The following DHRS3 variants were observed in gnomAD, a reference collection of about 807,000 sequenced individuals.
DHRS3 encodes dehydrogenase/reductase 3.
In DHRS3, 14 loss-of-function variants were observed where a neutral mutation model predicts 27.2. The observed-to-expected ratio is 0.52, with a 90% confidence interval of 0.34 to 0.81. The LOEUF (loss-of-function observed/expected upper bound fraction) is 0.81. DHRS3 is among the 30% of genes least tolerant of loss of function. DHRS3 has a pLI of 0.01. For synonymous variants in DHRS3, 165 were observed against 175.9 expected (o/e 0.94, Z 0.49); for missense variants, 322 against 406.2 (o/e 0.79, Z 1.78).
Position 12,593,496 on chromosome 1 carries a change from A to T in DHRS3, c.196-12830T>A, listed in dbSNP as rs142227828. 6.6e-6 allele frequency among the ~76,000 whole-genome samples: 1 copy of T among 152,096 alleles called. No homozygotes were observed. Among genetic ancestry groups the T allele is most frequent in the Non-Finnish European group, 1.5e-5 (1 of 67,972 alleles). On this transcript the variant is annotated intron_variant, in intron 1 of 5. Coordinates refer to ENST00000616661, the MANE Select transcript of DHRS3 (RefSeq NM_004753.7). This position sits in a 1 kb window ranked among gnomAD's most constrained non-coding sequence, Gnocchi z 4.6. ...TGGGATTACAGGAGTGAGGTACCAC[A>T]CCTGGCCACCTTCTCACAGGTTCTG...
At chr1:12,585,511 T>C (rs1646689969) in intron 1 of DHRS3, among the ~76,000 whole-genome samples, 1 of 152,194 alleles carries the variant, frequency 6.6e-6, no homozygotes, top group Admixed American at 6.5e-5. Flanking sequence ...TAGGAACCGG[T>C]AGCGTCTCTG....
At position 12,580,347 on chromosome 1, in the gene DHRS3, C is replaced by A. The variant is rs114071544; in HGVS notation, c.339+176G>T. On this transcript the variant is annotated intron_variant, in intron 2 of 5. Coordinates refer to ENST00000616661, the MANE Select transcript of DHRS3 (RefSeq NM_004753.7). ...GATTACGCCTGTTACGTAATCAACCCTAATCCCTGCCTATGTAACTGGGGC... is the reference window on the plus strand; with the variant it reads ...GATTACGCCTGTTACGTAATCAACCATAATCCCTGCCTATGTAACTGGGGC... The A allele has an allele frequency of 2.8e-3, 2,131 of 772,062 alleles. 34 individuals carry two copies. In the African/African-American group the frequency reaches 0.033, roughly 12 times the overall value. 47.8% of individuals were successfully genotyped at this position (772,062 alleles called of 1,614,324 possible).
chr1:12,578,596 G>T lies in DHRS3; in HGVS notation c.698+122C>A. ...GGCTTCCCAAAATGCTAGGATTATA[G>T]GTATGAGGCACCGTGCCTAGCCCGA... On this transcript the variant is annotated intron_variant, in intron 4 of 5. Transcript: ENST00000616661. This position sits in a 1 kb window ranked among gnomAD's most constrained non-coding sequence, Gnocchi z 4.5. The T allele has an allele frequency of 1.0e-6, 1 of 968,032 alleles. No individual in the cohort carries two copies. Among genetic ancestry groups the T allele is most frequent in the African/African-American group, 1.6e-5 (1 of 61,906 alleles). 60.0% of individuals were successfully genotyped at this position (968,032 alleles called of 1,614,324 possible). A position where few individuals can be genotyped will look rare whatever the true frequency, so the allele number is the denominator to read the frequency against.
chr1:12,604,225 A>C (rs1646854728), intron 1 of DHRS3, among the ~76,000 whole-genome samples: 1 of 152,118 alleles, frequency 6.6e-6, no homozygotes, highest in South Asian at 2.1e-4. Context: ...CAGTGATCAA[A>C]GCTCTCAGGC....
At chr1:12,568,465 G>C in intron 5 of DHRS3, 41 bp from the exon 6 acceptor site, 1 of 1,598,326 alleles carries the variant, frequency 6.3e-7, no homozygotes, top group Non-Finnish European at 8.6e-7. Context: ...ATGGTTAGTG[G>C]GGCAGGATCC....
intron 1 of DHRS3, among the ~76,000 whole-genome samples, chr1:12,606,073 G>C (rs1414773344): frequency 6.7e-6 from 1 of 150,120 alleles, no homozygotes; most frequent in African/African-American, 2.5e-5. Flanking sequence ...AGGAGGCGGA[G>C]GTTGCAGTGA....
intron 4 of DHRS3, among the ~76,000 whole-genome samples, chr1:12,577,999 C>T (rs1300492598): frequency 2.6e-5 from 4 of 152,202 alleles, no homozygotes; most frequent in African/African-American, 7.2e-5. Context: ...CCAGGTTACA[C>T]CCCCAGCCCT....
intron 1 of DHRS3, among the ~76,000 whole-genome samples, chr1:12,585,939 C>T (rs1646693744): frequency 6.6e-6 from 1 of 152,198 alleles, no homozygotes; most frequent in African/African-American, 2.4e-5. Flanking sequence ...AGGCCAGAGG[C>T]CTGGAATTTA....
At chr1:12,596,674 T>G (rs1204138341) in intron 1 of DHRS3, among the ~76,000 whole-genome samples, 1 of 152,204 alleles carries the variant, frequency 6.6e-6, no homozygotes, top group East Asian at 1.9e-4. Context: ...GGAGTTGATT[T>G]GCTGTGTGAC....
chr1:12,575,521 T>C (rs1257606709), intron 4 of DHRS3, among the ~76,000 whole-genome samples: 2 of 152,138 alleles, frequency 1.3e-5, no homozygotes, highest in African/African-American at 2.4e-5. Context: ...TTTATTCTTT[T>C]AGGAAATGGG....
intron 4 of DHRS3, among the ~76,000 whole-genome samples, chr1:12,576,198 G>A (rs2100651666): frequency 6.6e-6 from 1 of 152,236 alleles, no homozygotes; most frequent in South Asian, 2.1e-4. Context: ...ATGCTAGAAG[G>A]TGAAATAGAC....
Position 12,592,166 on chromosome 1 carries a change from G to C in DHRS3, c.196-11500C>G, listed in dbSNP as rs751097842. ...TCACCGCCACCACAGTGAACAATCT[G>C]TGGACCTTTACTGCAGGCTGGATCC... On this transcript the variant is annotated intron_variant, in intron 1 of 5. Coordinates refer to ENST00000616661, the MANE Select transcript of DHRS3 (RefSeq NM_004753.7). This position sits in a 1 kb window ranked among gnomAD's most constrained non-coding sequence, Gnocchi z 4.2. Among the ~76,000 whole-genome samples the C allele has an allele frequency of 1.1e-4, 16 of 152,210 alleles. No individual in the cohort carries two copies. Among genetic ancestry groups the C allele is most frequent in the Non-Finnish European group, 2.4e-4 (16 of 68,038 alleles).
In DHRS3 at chr1:12,580,425, A is replaced by G. The variant is rs533024322; in HGVS notation, c.339+98T>C. The G allele has an allele frequency of 1.9e-6, 3 of 1,565,846 alleles. No homozygotes were observed. The East Asian group carries it at 6.8e-5, about 35-fold the overall frequency. ...GCCCCGGGCAAAGCCATTCTGCCAT[A>G]AGCAGAGCTCTCTTCCAGGCCACAT... On this transcript the variant is annotated intron_variant, in intron 2 of 5. Transcript: ENST00000616661.
intron 1 of DHRS3, among the ~76,000 whole-genome samples, chr1:12,581,080 G>A (rs115336005): frequency 0.027 from 4,056 of 152,068 alleles, 83 homozygotes; most frequent in South Asian, 0.049. Flanking sequence ...CTCCCACCTC[G>A]GCCTCTCAAG....
chr1:12,603,561 T>G (rs1646849840), intron 1 of DHRS3, among the ~76,000 whole-genome samples: 1 of 152,022 alleles, frequency 6.6e-6, no homozygotes, highest in Non-Finnish European at 1.5e-5. Flanking sequence ...GAACCCAGTT[T>G]GAAAACCTGG....
intron 1 of DHRS3, among the ~76,000 whole-genome samples, chr1:12,601,202 C>T (rs1646833813): frequency 6.6e-6 from 1 of 152,094 alleles, no homozygotes; most frequent in African/African-American, 2.4e-5. Context: ...AGCCGACCTC[C>T]CGACTCCCAA....
At chr1:12,598,391 CA>C (rs56007006) in intron 1 of DHRS3, among the ~76,000 whole-genome samples, 4,925 of 150,742 alleles carry the variant, frequency 0.033, 248 homozygotes, top group African/African-American at 0.11. Flanking sequence ...TAAAATAAAA[CA>C]AAAAAAAATA....
Position 12,593,436 on chromosome 1 carries a change from TC to T in DHRS3, c.196-12771del, listed in dbSNP as rs1646763121. ...CCAGGCTGGTCTTGAACTCCTGGCT[TC>T]AAGTGATCCTCCTGCCTCAGTCTCC... On this transcript the variant is annotated intron_variant, in intron 1 of 5. Coordinates refer to ENST00000616661, the MANE Select transcript of DHRS3 (RefSeq NM_004753.7). This position sits in a 1 kb window ranked among gnomAD's most constrained non-coding sequence, Gnocchi z 4.6. Among the ~76,000 whole-genome samples, 1 of 152,078 alleles carries T rather than the reference TC, an allele frequency of 6.6e-6. No homozygotes were observed. Among genetic ancestry groups the T allele is most frequent in the South Asian group, 2.1e-4 (1 of 4,810 alleles).
rs370017439 is a variant in DHRS3, at chr1:12,582,456, G to A, written c.196-1790C>T. Among the ~76,000 whole-genome samples the A allele has an allele frequency of 7.2e-5, 11 of 152,252 alleles. No homozygotes were observed. The South Asian group carries it at 1.0e-3, about 14-fold the overall frequency. On this transcript the variant is annotated intron_variant, in intron 1 of 5. Transcript: ENST00000616661. The stretch of plus-strand genomic sequence containing the variant: ...AGGAAGGGCTTAACAAGTGGGTCCC[G>A]TCAGTTCCTCTCAATGACGGTACAA...
Sources: gnomAD v4.1 joint callset for allele counts (sites outside exome capture counted in the v4.1 genomes callset) on GRCh38, gnomAD v4.1.1 for gene constraint, Gnocchi (gnomAD v3.1) non-coding constraint, MANE v1.5 for transcripts, NCBI Gene and HGNC (gene_info 2026-07-23, HGNC 2026-07-21) for gene names.